Variants in RBFOX1 observed in about 807,000 individuals in gnomAD.
The protein encoded by RBFOX1 is RNA binding fox-1 homolog 1.
RBFOX1 carries 8 observed loss-of-function variants against 57.7 expected under a neutral mutation model. The observed-to-expected ratio is 0.14, with a 90% confidence interval of 0.08 to 0.25. The LOEUF (loss-of-function observed/expected upper bound fraction) is 0.25. Among genes scored for constraint, RBFOX1 ranks in the 10% least tolerant of loss-of-function variants. RBFOX1 has a pLI of 1.00. For missense variants in RBFOX1, 611 were observed against 548.5 expected, an observed-to-expected ratio of 1.11 and a Z score of -1.14; for synonymous variants, 326 against 222.4, an observed-to-expected ratio of 1.47 and a Z score of -4.15.
chr16:5,315,249 G>C (rs559895687), intron 1 of RBFOX1, among the ~76,000 whole-genome samples: 2 of 152,296 alleles, frequency 1.3e-5, no homozygotes, highest in Non-Finnish European at 2.9e-5. Flanking sequence ...GCTGTGGGAC[G>C]GGGGAGGAGG....
At chr16:5,829,970 G>A (rs2056206436) in intron 3 of RBFOX1, among the ~76,000 whole-genome samples, 2 of 152,152 alleles carry the variant, frequency 1.3e-5, no homozygotes, top group South Asian at 2.1e-4. Context: ...ATCTGAGGCT[G>A]TTTTCTTTTT....
intron 1 of RBFOX1, among the ~76,000 whole-genome samples, chr16:5,248,063 C>T (rs1321889590): frequency 1.3e-5 from 2 of 152,188 alleles, no homozygotes; most frequent in African/African-American, 4.8e-5. Context: ...GATGGGTCTC[C>T]AGGCAAGGGC....
At chr16:6,373,523 C>G (rs9940398) in intron 2 of RBFOX1, among the ~76,000 whole-genome samples, 81,251 of 150,352 alleles carry the variant, frequency 0.54, 22,155 homozygotes, top group Middle Eastern at 0.66. Context: ...TAGTTGGATA[C>G]AAGGATAGTT....
intron 4 of RBFOX1, among the ~76,000 whole-genome samples, chr16:7,499,803 C>T (rs1350806142): frequency 2.0e-5 from 3 of 151,936 alleles, no homozygotes; most frequent in African/African-American, 7.3e-5. Flanking sequence ...GCATTATCTA[C>T]TTCGCAGTTG....
At chr16:5,528,800 C>T (rs756300855) in intron 2 of RBFOX1, among the ~76,000 whole-genome samples, 68 of 152,044 alleles carry the variant, frequency 4.5e-4, no homozygotes, top group Admixed American at 2.0e-3. Context: ...TAGGTCTGCA[C>T]CACCATGCTT....
chr16:6,905,442 A>G (rs1567812393), intron 3 of RBFOX1, among the ~76,000 whole-genome samples: 1 of 151,920 alleles, frequency 6.6e-6, no homozygotes, highest in Non-Finnish European at 1.5e-5. Flanking sequence ...AATCCCAGCT[A>G]CTTGGGAGTC....
chr16:5,881,892 A>C (rs1365889848), intron 4 of RBFOX1, among the ~76,000 whole-genome samples: 1 of 152,238 alleles, frequency 6.6e-6, no homozygotes, highest in Non-Finnish European at 1.5e-5. Flanking sequence ...CATTTAAGGT[A>C]CTAAAATAAT....
At chr16:6,849,942 G>A (rs1016067728) in intron 3 of RBFOX1, among the ~76,000 whole-genome samples, 1 of 152,178 alleles carries the variant, frequency 6.6e-6, no homozygotes, top group African/African-American at 2.4e-5. Flanking sequence ...ACTTGGATTA[G>A]AAAGCTGGAG....
At chr16:6,610,416 C>T (rs761292197) in intron 2 of RBFOX1, among the ~76,000 whole-genome samples, 17 of 152,146 alleles carry the variant, frequency 1.1e-4, no homozygotes, top group Non-Finnish European at 2.1e-4. Flanking sequence ...CAGCATCAAC[C>T]TTGCCGGCTC....
At chr16:5,300,714 CT>C (rs1394128992) in intron 1 of RBFOX1, among the ~76,000 whole-genome samples, 2 of 151,898 alleles carry the variant, frequency 1.3e-5, no homozygotes, top group East Asian at 1.9e-4. Flanking sequence ...TTTCTAGTTG[CT>C]TTTTTTGGTT....
chr16:7,593,671 T>G (rs1435241541), intron 7 of RBFOX1, among the ~76,000 whole-genome samples: 2 of 152,116 alleles, frequency 1.3e-5, no homozygotes, highest in South Asian at 2.1e-4. Flanking sequence ...TGTGAATTTT[T>G]TTTTTTTCCA....
chr16:6,105,530 A>C (rs1331640758), intron 1 of RBFOX1, among the ~76,000 whole-genome samples: 4 of 152,336 alleles, frequency 2.6e-5, no homozygotes, highest in South Asian at 4.1e-4. Flanking sequence ...AGACAATCCC[A>C]AAAATTAACC....
rs11863636 is a variant in RBFOX1, at chr16:5,846,137, G to A, written c.319-21166G>A. 7.0e-3 allele frequency among the ~76,000 whole-genome samples: 1,063 copies of A among 151,428 alleles called. 16 individuals carry two copies. The highest frequency in any genetic ancestry group is 0.024 in the African/African-American group (975 of 41,234). On this transcript the variant is annotated intron_variant, in intron 3 of 19. Transcript: ENST00000641259. Reference sequence around the variant, plus strand: ...GCGGAGGTTGCAGTGAGCCAAGATCGTGCCACTGCACTCCAGCCTGGGCGA... The same window carrying A: ...GCGGAGGTTGCAGTGAGCCAAGATCATGCCACTGCACTCCAGCCTGGGCGA...
chr16:5,502,495 C>T (rs181207423), intron 2 of RBFOX1, among the ~76,000 whole-genome samples: 2 of 152,192 alleles, frequency 1.3e-5, no homozygotes, highest in Non-Finnish European at 1.5e-5. Context: ...AAGCCCCCTG[C>T]TCTGCTTCTC....
At chr16:6,292,218 C>G (rs2077541760) in intron 1 of RBFOX1, among the ~76,000 whole-genome samples, 1 of 152,074 alleles carries the variant, frequency 6.6e-6, no homozygotes. Context: ...CATGATCACA[C>G]CACTGCACTC....
intron 1 of RBFOX1, among the ~76,000 whole-genome samples, chr16:5,416,676 G>A (rs929584034): frequency 5.4e-5 from 8 of 147,850 alleles, no homozygotes; most frequent in African/African-American, 2.0e-4. Flanking sequence ...TGTATGTAAT[G>A]TGTCTTTTTT....
At position 6,657,321 on chromosome 16, in the gene RBFOX1, G is replaced by A. The variant is rs746338542; in HGVS notation, c.-16+2671G>A. Among the ~76,000 whole-genome samples, 31 of 152,096 alleles carry A rather than the reference G, an allele frequency of 2.0e-4. 1 individual carries two copies. The highest frequency in any genetic ancestry group is 2.1e-4 in the Non-Finnish European group (14 of 68,028). On this transcript the variant is annotated intron_variant, in intron 3 of 15. Transcript: ENST00000550418. ...TCTAACAATTGTTAAGAAGAGATTG[G>A]GAGTGAGGTTTTAGGAGCTTGCTTT...
chr16:5,941,977 A>G lies in RBFOX1; in HGVS notation c.351+74642A>G, dbSNP rs550891512. On this transcript the variant is annotated intron_variant, in intron 4 of 19. Transcript: ENST00000641259. ...CATTGTTATGGTATTTTTCTAAATCATATCTGACACTGAAACCTGAGTGGA... is the reference window on the plus strand; with the variant it reads ...CATTGTTATGGTATTTTTCTAAATCGTATCTGACACTGAAACCTGAGTGGA... 8.6e-5 allele frequency among the ~76,000 whole-genome samples: 13 copies of G among 151,716 alleles called. No individual in the cohort carries two copies. The East Asian group carries it at 2.5e-3, about 29-fold the overall frequency.
At chr16:6,794,551 G>T (rs189217310) in intron 3 of RBFOX1, among the ~76,000 whole-genome samples, 1 of 152,088 alleles carries the variant, frequency 6.6e-6, no homozygotes, top group Admixed American at 6.5e-5. Context: ...AGTGATTGGT[G>T]CATGGTCATT....
Sources: gnomAD v4.1 joint callset for allele counts (sites outside exome capture counted in the v4.1 genomes callset) on GRCh38, gnomAD v4.1.1 for gene constraint, MANE v1.5 for transcripts, NCBI Gene and HGNC (gene_info 2026-07-23, HGNC 2026-07-21) for gene names.